The following RALGPS1 variants were observed in gnomAD, a reference collection of about 807,000 sequenced individuals.
RALGPS1 encodes the protein ras-specific guanine nucleotide-releasing factor RalGPS1.
A neutral mutation model predicts 78.8 loss-of-function variants in RALGPS1; 19 were observed. That is an observed-to-expected ratio of 0.24 (90% CI 0.17 to 0.35). The LOEUF (loss-of-function observed/expected upper bound fraction) is 0.35. Ranked by LOEUF, RALGPS1 falls within the 10% of genes least tolerant of loss-of-function variation. The probability of loss-of-function intolerance (pLI) is 1.00; values close to 1 mark genes in which losing one functional copy is unlikely to be tolerated. For synonymous variants in RALGPS1, 228 were observed against 256.3 expected (o/e 0.89, Z 1.06); for missense variants, 454 against 688.3 (o/e 0.66, Z 3.81).
In RALGPS1 at chr9:127,108,631, G is replaced by A. The variant is rs1286781768; in HGVS notation, c.610+39275G>A. 9.9e-6 allele frequency: 16 copies of A among 1,613,488 alleles called. No homozygotes were observed. Among genetic ancestry groups the A allele is most frequent in the Middle Eastern group, 1.7e-4 (1 of 6,042 alleles). On this transcript the variant is annotated intron_variant, in intron 8 of 18. Coordinates refer to ENST00000259351, the MANE Select transcript of RALGPS1 (RefSeq NM_014636.3). ...GTTTAGGTAAATGAACTCTCTTGGC[G>A]AGCCCTCCTCAGTGCCCTCAAAACC...
At chr9:127,161,917 A>G (rs1564693989) in intron 8 of RALGPS1, among the ~76,000 whole-genome samples, 1 of 152,148 alleles carries the variant, frequency 6.6e-6, no homozygotes, top group Non-Finnish European at 1.5e-5. Context: ...TAAAATCACA[A>G]TGAAACCTCC....
intron 1 of RALGPS1, among the ~76,000 whole-genome samples, chr9:126,935,112 C>T (rs924087525): frequency 2.0e-5 from 3 of 152,214 alleles, no homozygotes; most frequent in Non-Finnish European, 2.9e-5. Context: ...CTCCCCAGCT[C>T]GCGGGAGCTC....
intron 4 of RALGPS1, among the ~76,000 whole-genome samples, chr9:126,978,522 T>C (rs2040904602): frequency 6.6e-6 from 1 of 151,432 alleles, no homozygotes; most frequent in African/African-American, 2.4e-5. Context: ...GGCAGGAGAA[T>C]TGCTTGAACC....
intron 4 of RALGPS1, among the ~76,000 whole-genome samples, chr9:127,019,473 G>T (rs1447204969): frequency 1.3e-5 from 2 of 152,042 alleles, no homozygotes; most frequent in East Asian, 3.9e-4. Flanking sequence ...GACTACAGGT[G>T]CCCGCCACCA....
At chr9:127,095,610 A>G (rs1289377573) in intron 8 of RALGPS1, among the ~76,000 whole-genome samples, 1 of 152,174 alleles carries the variant, frequency 6.6e-6, no homozygotes, top group Non-Finnish European at 1.5e-5. Flanking sequence ...AGCTGACCTC[A>G]CTACCTCCTC....
chr9:126,961,061 C>T (rs890330722), intron 1 of RALGPS1, among the ~76,000 whole-genome samples: 1 of 152,180 alleles, frequency 6.6e-6, no homozygotes, highest in Non-Finnish European at 1.5e-5. Context: ...CCTCCCAACT[C>T]CCTCCTTACT....
intron 8 of RALGPS1, among the ~76,000 whole-genome samples, chr9:127,073,647 A>G (rs2050413913): frequency 6.6e-6 from 1 of 151,960 alleles, no homozygotes; most frequent in South Asian, 2.1e-4. Flanking sequence ...TGGTAGCTCT[A>G]TTTTTAGTTT....
At chr9:127,110,740 C>T (rs977207434) in intron 8 of RALGPS1, among the ~76,000 whole-genome samples, 8 of 152,142 alleles carry the variant, frequency 5.3e-5, no homozygotes, top group Non-Finnish European at 1.2e-4. Context: ...ATCCTAGACG[C>T]CTTTCTTTCT....
At chr9:127,044,807 T>G (rs2047611035) in intron 5 of RALGPS1, among the ~76,000 whole-genome samples, 1 of 152,194 alleles carries the variant, frequency 6.6e-6, no homozygotes, top group South Asian at 2.1e-4. Flanking sequence ...AAGTGCATAT[T>G]GCCAAGTGAA....
intron 14 of RALGPS1, among the ~76,000 whole-genome samples, chr9:127,204,508 GAA>G (rs1188089545): frequency 2.0e-5 from 3 of 152,066 alleles, no homozygotes; most frequent in Non-Finnish European, 4.4e-5. Flanking sequence ...GTAGGGGGAA[GAA>G]AAGTTTCCTC....
At chr9:126,928,647 G>A (rs1014090667) in intron 1 of RALGPS1, among the ~76,000 whole-genome samples, 6 of 151,550 alleles carry the variant, frequency 4.0e-5, no homozygotes, top group African/African-American at 1.2e-4. Flanking sequence ...TGTTGCTCAG[G>A]CTGGAGTGCA....
intron 1 of RALGPS1, among the ~76,000 whole-genome samples, chr9:126,959,399 T>C (rs780227850): frequency 6.6e-6 from 1 of 152,138 alleles, no homozygotes; most frequent in Non-Finnish European, 1.5e-5. Flanking sequence ...TTCAAATCTT[T>C]TGTGGAGCTG....
intron 8 of RALGPS1, among the ~76,000 whole-genome samples, chr9:127,099,890 G>A (rs574724817): frequency 1.2e-3 from 184 of 152,318 alleles, no homozygotes; most frequent in Middle Eastern, 3.4e-3. Context: ...GCCCTCAAAC[G>A]ATGGGCATGG....
chr9:126,961,935 A>G (rs1054524473), intron 1 of RALGPS1, among the ~76,000 whole-genome samples: 13 of 152,346 alleles, frequency 8.5e-5, no homozygotes, highest in Middle Eastern at 3.4e-3. Context: ...GCTGATGGTC[A>G]CCATACAGTA....
intron 1 of RALGPS1, among the ~76,000 whole-genome samples, chr9:126,959,454 G>A (rs1238546936): frequency 6.6e-6 from 1 of 152,082 alleles, no homozygotes; most frequent in Non-Finnish European, 1.5e-5. Flanking sequence ...TCTTGGTGAT[G>A]GCAAACGTGG....
In RALGPS1 at chr9:127,212,566, C is replaced by A; in HGVS notation, c.1354-61C>A. On this transcript the variant is annotated intron_variant, in intron 15 of 18. Coordinates refer to ENST00000259351, the MANE Select transcript of RALGPS1 (RefSeq NM_014636.3). This position sits in a 1 kb window ranked among gnomAD's most constrained non-coding sequence, Gnocchi z 6.0. ...ATGGGATGGCTGGGTCTGTAATCGG[C>A]CAGGGATCCTCTACCCCCACGACCC... 1 of 1,253,944 alleles carries A rather than the reference C, an allele frequency of 8.0e-7. No individual in the cohort carries two copies. The highest frequency in any genetic ancestry group is 2.0e-5 in the Admixed American group (1 of 48,952). The allele number at this position is 1,253,944 out of a possible 1,614,324, so 77.7% of individuals were successfully genotyped here. A position where few individuals can be genotyped will look rare whatever the true frequency, so the allele number is the denominator to read the frequency against.
chr9:127,213,241 G>A (rs768308009), intron 17 of RALGPS1, among the ~76,000 whole-genome samples, 192 bp downstream of exon 17: 30 of 152,370 alleles, frequency 2.0e-4, no homozygotes, highest in Non-Finnish European at 3.5e-4. Context: ...CATTGAGAAG[G>A]GTATGAGGCA....
chr9:126,995,392 T>A (rs1239430163), intron 4 of RALGPS1, among the ~76,000 whole-genome samples: 1 of 152,102 alleles, frequency 6.6e-6, no homozygotes, highest in Non-Finnish European at 1.5e-5. Context: ...TAGTCTCTCA[T>A]AAAACAGACT....
At chr9:127,140,575 T>C (rs553246005) in intron 8 of RALGPS1, among the ~76,000 whole-genome samples, 2 of 152,324 alleles carry the variant, frequency 1.3e-5, no homozygotes, top group East Asian at 3.9e-4. Context: ...AGCATGTGAT[T>C]AGCTTGTACA....
Sources: allele counts gnomAD v4.1 joint callset (sites outside exome capture counted in the v4.1 genomes callset), GRCh38; gene constraint gnomAD v4.1.1; non-coding constraint Gnocchi (gnomAD v3.1); transcripts MANE v1.5; gene names NCBI Gene and HGNC (gene_info 2026-07-23, HGNC 2026-07-21).